Variants in ARMC9 observed in about 807,000 individuals in gnomAD.
The protein encoded by ARMC9 is lisH domain-containing protein ARMC9.
ARMC9 carries 94 observed loss-of-function variants against 107.0 expected under a neutral mutation model. The observed-to-expected ratio is 0.88, with a 90% CI of 0.74 to 1.04. The LOEUF (loss-of-function observed/expected upper bound fraction) is 1.04, where lower values mean the gene tolerates loss of function less well. ARMC9 is among the 50% of genes least tolerant of loss of function. ARMC9 has a pLI of 0.00. For synonymous variants in ARMC9, 380 were observed against 396.9 expected (o/e 0.96, Z 0.51); for missense variants, 942 against 1,030.1 (o/e 0.91, Z 1.17).
chr2:231,290,472 C>G (rs114759696), intron 17 of ARMC9, among the ~76,000 whole-genome samples: 1,709 of 152,324 alleles, frequency 0.011, 29 homozygotes, highest in African/African-American at 0.039. Flanking sequence ...ATCCGTTTCT[C>G]TGGCAGTACT....
At chr2:231,263,323 A>G (rs957119191) in intron 12 of ARMC9, among the ~76,000 whole-genome samples, 1 of 152,210 alleles carries the variant, frequency 6.6e-6, no homozygotes, top group African/African-American at 2.4e-5. Context: ...ATTTATAAAC[A>G]ATCCAAGGGT....
intron 17 of ARMC9, among the ~76,000 whole-genome samples, chr2:231,283,647 C>A (rs1334756332): frequency 6.6e-6 from 1 of 152,162 alleles, no homozygotes; most frequent in Non-Finnish European, 1.5e-5. Flanking sequence ...CCAGGCTGGT[C>A]TCAAGCTCCT....
At chr2:231,324,994 G>A (rs984592533) in intron 19 of ARMC9, among the ~76,000 whole-genome samples, 1 of 152,080 alleles carries the variant, frequency 6.6e-6, no homozygotes, top group Non-Finnish European at 1.5e-5. Context: ...GAGTCCGAGA[G>A]GGGTGGATCA....
intron 19 of ARMC9, among the ~76,000 whole-genome samples, chr2:231,313,957 A>G (rs922912194): frequency 2.3e-5 from 3 of 133,252 alleles, no homozygotes; most frequent in African/African-American, 8.5e-5. Flanking sequence ...ACGGAATCCC[A>G]CTATGTTGCC....
intron 11 of ARMC9, among the ~76,000 whole-genome samples, chr2:231,259,427 C>T (rs2038132812): frequency 6.6e-6 from 1 of 152,160 alleles, no homozygotes; most frequent in African/African-American, 2.4e-5. Context: ...ACCCACAGTC[C>T]CACAGAGGTT....
rs2125603929 is a variant in ARMC9, at chr2:231,374,779, G to A, written c.*3244G>A. The stretch of plus-strand genomic sequence containing the variant: ...AAATAGGCAGCTGGGACGTGGACCA[G>A]AGATACCAATTTGATTTTTTTTAAA... On this transcript the variant is annotated 3_prime_UTR_variant, in exon 25 of 25. Transcript: ENST00000611582. 6.6e-6 allele frequency: 1 copy of A among 152,270 alleles called. No homozygotes were observed. The highest frequency in any genetic ancestry group is 1.5e-5 in the Non-Finnish European group (1 of 68,020). The allele number at this position is 152,270 out of a possible 1,614,324, so 9.4% of individuals were successfully genotyped here.
At chr2:231,328,738 C>A (rs952441116) in intron 19 of ARMC9, among the ~76,000 whole-genome samples, 4 of 143,262 alleles carry the variant, frequency 2.8e-5, no homozygotes, top group Non-Finnish European at 6.2e-5. Context: ...AGCTTGAAAT[C>A]ATGTAGATTG....
intron 16 of ARMC9, among the ~76,000 whole-genome samples, chr2:231,280,370 A>G (rs1184405382): frequency 1.3e-5 from 2 of 152,188 alleles, no homozygotes; most frequent in Non-Finnish European, 2.9e-5. Context: ...AGGCATGAGA[A>G]TCACTTGAAC....
Position 231,271,042 on chromosome 2 carries a change from C to T in ARMC9, c.1180C>T (p.Leu394Phe). 1 of 1,614,142 alleles carries T rather than the reference C, an allele frequency of 6.2e-7. No individual in the cohort carries two copies. Among genetic ancestry groups the T allele is most frequent in the Non-Finnish European group, 8.5e-7 (1 of 1,180,038 alleles). The change falls in exon 13 of 25, where the codon CTC becomes TTC. Residue 394 changes from leucine (L) to phenylalanine (F), a missense_variant. Physicochemically the swap from Leu to Phe is conservative, Grantham distance 22. Transcript: ENST00000611582. ...SDVVRQYMAR[L>F]INAFASLAEG... Reference sequence around the variant, plus strand: ...CGTGGTGCGGCAGTACATGGCCAGGCTCATCAATGCTTTTGCGTCACTGGC... The same window carrying T: ...CGTGGTGCGGCAGTACATGGCCAGGTTCATCAATGCTTTTGCGTCACTGGC...
intron 9 of ARMC9, among the ~76,000 whole-genome samples, chr2:231,253,698 A>G (rs961248515): frequency 2.0e-5 from 3 of 152,322 alleles, no homozygotes; most frequent in Admixed American, 6.5e-5. Flanking sequence ...TGAGAGCTGG[A>G]TGATGCTGCT....
chr2:231,204,572 A>G (rs2031668655), intron 1 of ARMC9, among the ~76,000 whole-genome samples: 1 of 151,930 alleles, frequency 6.6e-6, no homozygotes. Flanking sequence ...CACTCCGTCC[A>G]TGTTTTTGAG....
intron 8 of ARMC9, among the ~76,000 whole-genome samples, chr2:231,238,434 C>T (rs375562534): frequency 1.3e-5 from 2 of 152,176 alleles, no homozygotes; most frequent in African/African-American, 2.4e-5. Context: ...ACTGCAGCCT[C>T]GGCCTCCCAG....
At chr2:231,238,406 G>A (rs1373602444) in intron 8 of ARMC9, among the ~76,000 whole-genome samples, 1 of 152,236 alleles carries the variant, frequency 6.6e-6, no homozygotes, top group African/African-American at 2.4e-5. Flanking sequence ...CTGGAGTGCA[G>A]TGGTGCAATC....
At chr2:231,235,088 G>A in intron 7 of ARMC9, 136 bp from the exon 8 acceptor site, 1 of 939,354 alleles carries the variant, frequency 1.1e-6, no homozygotes. Flanking sequence ...AAGTAAGTGT[G>A]AAACACAAGT....
intron 12 of ARMC9, among the ~76,000 whole-genome samples, chr2:231,267,343 G>A (rs548114386): frequency 1.7e-4 from 26 of 152,152 alleles, no homozygotes; most frequent in African/African-American, 5.8e-4. Context: ...CAGTTCTCCC[G>A]CCTCAGCCTC....
At chr2:231,292,035 G>A (rs1390666929) in intron 18 of ARMC9, among the ~76,000 whole-genome samples, 1 of 151,658 alleles carries the variant, frequency 6.6e-6, no homozygotes, top group Non-Finnish European at 1.5e-5. Context: ...AGGCGTGGTG[G>A]CGCATGCCTG....
chr2:231,359,899 T>G (rs1017435321), intron 22 of ARMC9, among the ~76,000 whole-genome samples: 2 of 152,192 alleles, frequency 1.3e-5, no homozygotes, highest in African/African-American at 4.8e-5. Flanking sequence ...GGAAGATCCC[T>G]TTATATTTAA....
chr2:231,281,739 A>C (rs2040234149), intron 16 of ARMC9, among the ~76,000 whole-genome samples: 1 of 152,212 alleles, frequency 6.6e-6, no homozygotes, highest in South Asian at 2.1e-4. Flanking sequence ...AACAACAACA[A>C]AATCAACGAT....
intron 3 of ARMC9, 90 bp downstream of exon 3, chr2:231,208,342 T>G (rs2032331038): frequency 2.9e-6 from 3 of 1,034,728 alleles, no homozygotes; most frequent in Non-Finnish European, 4.4e-6. Flanking sequence ...GCTAGAATAG[T>G]TTTTGAGCAC....
Sources: gnomAD v4.1 joint callset for allele counts (sites outside exome capture counted in the v4.1 genomes callset) on GRCh38, gnomAD v4.1.1 for gene constraint, MANE v1.5 for transcripts, NCBI Gene and HGNC (gene_info 2026-07-23, HGNC 2026-07-21) for gene names.